FHIT: variants seen among roughly 807,000 people sequenced by gnomAD.
The protein encoded by FHIT is fragile histidine triad diadenosine triphosphatase.
A neutral mutation model predicts 17.9 loss-of-function variants in FHIT; 19 were observed. The observed-to-expected ratio is 1.06, with a 90% confidence interval of 0.74 to 1.56. FHIT has a LOEUF of 1.56. Among genes scored for constraint, FHIT ranks in the 40% most tolerant of loss-of-function variants. The pLI is 0.00. For missense variants in FHIT, 248 were observed against 189.2 expected, an observed-to-expected ratio of 1.31 and a Z score of -1.82; for synonymous variants, 81 against 69.7, an observed-to-expected ratio of 1.16 and a Z score of -0.81.
intron 8 of FHIT, among the ~76,000 whole-genome samples, chr3:59,906,592 G>A (rs1704595493): frequency 6.6e-6 from 1 of 152,198 alleles, no homozygotes; most frequent in Non-Finnish European, 1.5e-5. Context: ...ATTTAGTGGT[G>A]GAGTTACAGA....
intron 7 of FHIT, among the ~76,000 whole-genome samples, chr3:59,971,500 C>CTT (rs11400200): frequency 4.0e-5 from 6 of 151,806 alleles, no homozygotes; most frequent in East Asian, 3.9e-4. Flanking sequence ...CATAAACTCT[C>CTT]TTTTTTTGCT....
At chr3:59,900,428 T>C (rs539408165) in intron 8 of FHIT, among the ~76,000 whole-genome samples, 36 of 152,300 alleles carry the variant, frequency 2.4e-4, no homozygotes, top group Non-Finnish European at 5.0e-4. Flanking sequence ...CAAACAAAGA[T>C]GCTTAAATTG....
chr3:59,832,417 C>T (rs757960175), intron 8 of FHIT, among the ~76,000 whole-genome samples: 1 of 152,156 alleles, frequency 6.6e-6, no homozygotes, highest in Non-Finnish European at 1.5e-5. Flanking sequence ...TACACCCCTA[C>T]CTTATCTGTA....
chr3:60,108,776 A>C (rs1190407484), intron 5 of FHIT, among the ~76,000 whole-genome samples: 2 of 150,656 alleles, frequency 1.3e-5, no homozygotes, highest in East Asian at 3.9e-4. Context: ...TGATTCTCCT[A>C]CCTCAGCCTC....
At chr3:60,408,859 A>G (rs919071247) in intron 5 of FHIT, among the ~76,000 whole-genome samples, 2 of 152,206 alleles carry the variant, frequency 1.3e-5, no homozygotes, top group African/African-American at 4.8e-5. Context: ...ACAAAAAACA[A>G]AAGCCATAAT....
intron 8 of FHIT, among the ~76,000 whole-genome samples, chr3:59,805,266 C>A (rs140768896): frequency 6.6e-4 from 101 of 152,260 alleles, no homozygotes; most frequent in African/African-American, 2.4e-3. Flanking sequence ...TCTAATTTCA[C>A]TAGGAATATT....
chr3:61,142,273 A>C (rs1576094108), intron 2 of FHIT, among the ~76,000 whole-genome samples: 1 of 151,606 alleles, frequency 6.6e-6, no homozygotes, highest in Non-Finnish European at 1.5e-5. Context: ...AGGGACTAAA[A>C]CTTTAGTCTG....
intron 8 of FHIT, among the ~76,000 whole-genome samples, chr3:59,916,817 T>C (rs1451139704): frequency 6.6e-6 from 1 of 152,208 alleles, no homozygotes; most frequent in African/African-American, 2.4e-5. Flanking sequence ...GTTCTTTGAA[T>C]AAAAAGTCTC....
intron 5 of FHIT, among the ~76,000 whole-genome samples, chr3:60,333,476 G>GT (rs11291510): frequency 5.4e-5 from 8 of 148,898 alleles, no homozygotes; most frequent in African/African-American, 2.0e-4. Context: ...TATTTGAACT[G>GT]TTTTTTTTTT....
At chr3:60,448,599 G>A (rs1559922455) in intron 5 of FHIT, among the ~76,000 whole-genome samples, 2 of 152,156 alleles carry the variant, frequency 1.3e-5, no homozygotes, top group Admixed American at 1.3e-4. Flanking sequence ...AGCAGAGAGA[G>A]ACAACCTGAA....
At chr3:60,906,044 T>C (rs1239248389) in intron 3 of FHIT, among the ~76,000 whole-genome samples, 1 of 152,058 alleles carries the variant, frequency 6.6e-6, no homozygotes, top group Non-Finnish European at 1.5e-5. Context: ...AGGCAGGACA[T>C]AAATGGATCT....
At chr3:61,206,622 C>G (rs1392882970) in intron 1 of FHIT, among the ~76,000 whole-genome samples, 1 of 152,090 alleles carries the variant, frequency 6.6e-6, no homozygotes, top group Non-Finnish European at 1.5e-5. Flanking sequence ...CTCTGTTTGT[C>G]TGTTATTGGT....
chr3:60,712,482 A>C (rs1250964134), intron 4 of FHIT, among the ~76,000 whole-genome samples: 1 of 151,384 alleles, frequency 6.6e-6, no homozygotes, highest in Non-Finnish European at 1.5e-5. Flanking sequence ...ACAGACTGGC[A>C]AACTGGATAA....
chr3:60,886,289 A>C (rs1396696950), intron 3 of FHIT, among the ~76,000 whole-genome samples: 1 of 152,190 alleles, frequency 6.6e-6, no homozygotes, highest in Non-Finnish European at 1.5e-5. Context: ...TCCAAATTAC[A>C]AGCATTGAAA....
At chr3:59,802,869 A>G (rs898434709) in intron 8 of FHIT, among the ~76,000 whole-genome samples, 1 of 152,192 alleles carries the variant, frequency 6.6e-6, no homozygotes, top group Non-Finnish European at 1.5e-5. Context: ...TAGAGAAAAG[A>G]TATTCCAAAG....
chr3:60,420,986 G>A (rs891739318), intron 5 of FHIT, among the ~76,000 whole-genome samples: 3 of 148,334 alleles, frequency 2.0e-5, no homozygotes, highest in Non-Finnish European at 1.5e-5. Flanking sequence ...CTCCTCACCA[G>A]TTATCACAAT....
intron 8 of FHIT, among the ~76,000 whole-genome samples, chr3:59,794,976 C>G (rs189554738): frequency 6.6e-6 from 1 of 152,296 alleles, no homozygotes; most frequent in Admixed American, 6.5e-5. Flanking sequence ...GTTTCCTCAC[C>G]TGTAAAGTGG....
chr3:59,990,601 T>C (rs1464777079), intron 7 of FHIT, among the ~76,000 whole-genome samples: 1 of 152,026 alleles, frequency 6.6e-6, no homozygotes, highest in Non-Finnish European at 1.5e-5. Flanking sequence ...TTACCATTAC[T>C]GCATCATGAT....
intron 3 of FHIT, among the ~76,000 whole-genome samples, chr3:60,827,787 G>A (rs558681714): frequency 5.8e-4 from 88 of 152,328 alleles, no homozygotes; most frequent in African/African-American, 2.1e-3. Flanking sequence ...ATAGTGAAAG[G>A]AAAGAATCAT....
Sources: gnomAD v4.1 joint callset for allele counts (sites outside exome capture counted in the v4.1 genomes callset) on GRCh38, gnomAD v4.1.1 for gene constraint, MANE v1.5 for transcripts, NCBI Gene and HGNC (gene_info 2026-07-23, HGNC 2026-07-21) for gene names.